Variants in CLTB observed in about 807,000 individuals in gnomAD.
CLTB encodes the protein clathrin, light chain (Lcb).
In CLTB, 10 loss-of-function variants were observed where a neutral mutation model predicts 30.5. The ratio of observed to expected loss-of-function variants is 0.33; its 90% CI spans 0.20 to 0.56. The LOEUF is 0.56. Among genes scored for constraint, CLTB ranks in the 20% least tolerant of loss-of-function variants. CLTB has a pLI of 0.91. For synonymous variants in CLTB, 102 were observed against 120.3 expected (o/e 0.85, Z 1.00); for missense variants, 261 against 308.3 (o/e 0.85, Z 1.15).
At chr5:176,415,317 G>A (rs1296119357) in intron 1 of CLTB, among the ~76,000 whole-genome samples, 2 of 152,170 alleles carry the variant, frequency 1.3e-5, no homozygotes, top group Non-Finnish European at 2.9e-5. Flanking sequence ...ACACTCCGGT[G>A]TCTAACTCAG....
chr5:176,415,165 G>A (rs181042889), intron 1 of CLTB, among the ~76,000 whole-genome samples: 122 of 152,234 alleles, frequency 8.0e-4, no homozygotes, highest in Non-Finnish European at 1.4e-3. Flanking sequence ...GATTTCACAG[G>A]GACTAGGCCC....
intron 1 of CLTB, among the ~76,000 whole-genome samples, chr5:176,412,904 T>C (rs868104382): frequency 1.3e-5 from 2 of 152,138 alleles, no homozygotes; most frequent in Admixed American, 1.3e-4. Flanking sequence ...CCAGGGTCTA[T>C]TCCCTGTGAT....
chr5:176,414,173 G>A (rs978634935), intron 1 of CLTB, among the ~76,000 whole-genome samples: 1 of 152,122 alleles, frequency 6.6e-6, no homozygotes, highest in Non-Finnish European at 1.5e-5. Context: ...CCTCTTCCCT[G>A]CACCCCGACC....
rs961603039 is a variant in CLTB, at chr5:176,393,254, A to G, written c.519-309T>C. Among the ~76,000 whole-genome samples the G allele has an allele frequency of 7.9e-5, 12 of 151,884 alleles. No individual in the cohort carries two copies. The highest frequency in any genetic ancestry group is 2.9e-4 in the African/African-American group (12 of 41,400). On this transcript the variant is annotated intron_variant, in intron 5 of 5. Coordinates refer to ENST00000310418, the MANE Select transcript of CLTB (RefSeq NM_007097.5). The surrounding 1 kb of genome is among the most constrained non-coding windows in gnomAD (Gnocchi z 4.4). ...CTCAGAAAGTCTTCCCAGCCTAGGCACCCTCTGTTCATTACTTCCCCATCG... is the reference window on the plus strand; with the variant it reads ...CTCAGAAAGTCTTCCCAGCCTAGGCGCCCTCTGTTCATTACTTCCCCATCG...
intron 1 of CLTB, among the ~76,000 whole-genome samples, chr5:176,415,057 G>A (rs1207903265): frequency 6.6e-5 from 10 of 152,124 alleles, no homozygotes; most frequent in Non-Finnish European, 1.3e-4. Flanking sequence ...AACCTGTTTT[G>A]GATGTACCCA....
chr5:176,395,475 T>C (rs912834779), intron 5 of CLTB, among the ~76,000 whole-genome samples: 2 of 152,252 alleles, frequency 1.3e-5, no homozygotes, highest in Non-Finnish European at 2.9e-5. Context: ...TGGTGTGCTC[T>C]GTGCCCTGTG....
At chr5:176,408,200 T>C (rs1449128060) in intron 2 of CLTB, among the ~76,000 whole-genome samples, 1 of 150,940 alleles carries the variant, frequency 6.6e-6, no homozygotes, top group Non-Finnish European at 1.5e-5. Context: ...CAGTCTTAAC[T>C]AGAAATACAC....
Position 176,414,532 on chromosome 5 carries a change from C to T in CLTB, c.187+1645G>A, listed in dbSNP as rs188413564. 4.9e-3 allele frequency among the ~76,000 whole-genome samples: 747 copies of T among 151,784 alleles called. 2 individuals carry two copies. The highest frequency in any genetic ancestry group is 0.017 in the Middle Eastern group (5 of 290). On this transcript the variant is annotated intron_variant, in intron 1 of 5. Transcript: ENST00000310418. ...CGGCGACCTACCTACACCTCCCGGG[C>T]TCAAGCTATGCTCCTGCCTCAGCCT...
At chr5:176,401,806 C>A (rs1206302012) in intron 2 of CLTB, 6 of 455,234 alleles carry the variant, frequency 1.3e-5, no homozygotes, top group Non-Finnish European at 2.2e-5. Context: ...GCCTCCTGTT[C>A]GTCCTTGATT....
intron 2 of CLTB, among the ~76,000 whole-genome samples, chr5:176,399,004 G>A (rs988884425): frequency 1.3e-5 from 2 of 151,924 alleles, no homozygotes; most frequent in South Asian, 2.1e-4. Flanking sequence ...CACGACACCC[G>A]GCTAATTTTT....
intron 2 of CLTB, among the ~76,000 whole-genome samples, chr5:176,408,615 G>A (rs1257716819): frequency 1.3e-5 from 2 of 151,512 alleles, no homozygotes; most frequent in Non-Finnish European, 2.9e-5. Context: ...GACCTCCCCA[G>A]CTCAAGCTGT....
At position 176,397,711 on chromosome 5, in the gene CLTB, T is replaced by C. The variant is rs1485044254; in HGVS notation, c.360A>G (p.Ala120=). ...QRKRLQELDA[A]SKVTEQEWRE... is the part of the protein sequence containing the mutation. ...GCCATTCCTGTTCCGTGACCTTAGA[T>C]GCAGCATCTAGGACCCCACAAGAGA... Residue 120 remains alanine (A), a synonymous_variant, in exon 4 of 6, where the codon GCA becomes GCG. Transcript: ENST00000310418. 3 of 1,613,688 alleles carry C rather than the reference T, an allele frequency of 1.9e-6. No homozygotes were observed. The highest frequency in any genetic ancestry group is 1.3e-5 in the African/African-American group (1 of 74,848).
At chr5:176,399,745 A>C (rs956462951) in intron 2 of CLTB, among the ~76,000 whole-genome samples, 1 of 150,860 alleles carries the variant, frequency 6.6e-6, no homozygotes, top group African/African-American at 2.4e-5. Context: ...AATACAAAAA[A>C]TTAGCCAGGT....
At position 176,398,039 on chromosome 5, in the gene CLTB, G is replaced by T; in HGVS notation, c.243C>A (p.Asn81Lys). The T allele has an allele frequency of 1.2e-6, 2 of 1,613,824 alleles. No individual in the cohort carries two copies. Among genetic ancestry groups the T allele is most frequent in the Non-Finnish European group, 1.7e-6 (2 of 1,179,972 alleles). ...TVNGDVFQEA[N>K]GPADGYAAIA... ...TGGCTGCGTAGCCATCAGCAGGACC[G>T]TTGGCCTCCTAGAACACAAACACGC... Residue 81 changes from asparagine to lysine, a missense_variant, in exon 3 of 6, where the codon AAC (asparagine) becomes AAA (lysine). Asn to Lys is a moderately conservative substitution (Grantham distance 94, BLOSUM62 0). Transcript: ENST00000310418.
chr5:176,403,441 G>T (rs1173676795), intron 2 of CLTB, among the ~76,000 whole-genome samples: 1 of 149,026 alleles, frequency 6.7e-6, no homozygotes, highest in East Asian at 2.0e-4. Flanking sequence ...TTTGTTTTTT[G>T]GTGTTTTTTT....
chr5:176,395,901 G>A (rs1319793852), intron 5 of CLTB, among the ~76,000 whole-genome samples: 1 of 152,278 alleles, frequency 6.6e-6, no homozygotes, highest in South Asian at 2.1e-4. Flanking sequence ...TTGGGAGGCC[G>A]AGGTGGGTGG....
intron 2 of CLTB, among the ~76,000 whole-genome samples, chr5:176,399,278 A>G (rs1192240301): frequency 6.6e-6 from 1 of 152,224 alleles, no homozygotes; most frequent in Non-Finnish European, 1.5e-5. Context: ...TTTGTTGAGT[A>G]GAGAAGCATC....
intron 2 of CLTB, among the ~76,000 whole-genome samples, chr5:176,405,317 C>T (rs989230988): frequency 6.6e-6 from 1 of 151,802 alleles, no homozygotes. Flanking sequence ...AGCGAGACCA[C>T]ATCTCCATAA....
chr5:176,402,357 C>G (rs1291160986), intron 2 of CLTB, among the ~76,000 whole-genome samples: 6 of 152,154 alleles, frequency 3.9e-5, no homozygotes, highest in Non-Finnish European at 8.8e-5. Flanking sequence ...ATGGCTAGAA[C>G]AAAATTCAAG....
Sources: gnomAD v4.1 joint callset for allele counts (sites outside exome capture counted in the v4.1 genomes callset) on GRCh38, gnomAD v4.1.1 for gene constraint, Gnocchi (gnomAD v3.1) non-coding constraint, MANE v1.5 for transcripts, NCBI Gene and HGNC (gene_info 2026-07-23, HGNC 2026-07-21) for gene names.